NFATC1: variants seen among roughly 807,000 people sequenced by gnomAD.
NFATC1 encodes nuclear factor of activated T cells 1.
In NFATC1, 22 loss-of-function variants were observed where a neutral mutation model predicts 76.0. That is an observed-to-expected ratio of 0.29 (90% CI 0.21 to 0.41). The LOEUF (loss-of-function observed/expected upper bound fraction) is 0.41. NFATC1 is among the 10% of genes least tolerant of loss of function. The pLI, the probability that NFATC1 is intolerant of heterozygous loss-of-function variation, is 1.00. For missense variants in NFATC1, 1,357 were observed against 1,337.7 expected, an observed-to-expected ratio of 1.01 and a Z score of -0.23; for synonymous variants, 704 against 613.1, an observed-to-expected ratio of 1.15 and a Z score of -2.19.
chr18:79,402,486 G>A, intron 1 of NFATC1: 2 of 765,518 alleles, frequency 2.6e-6, no homozygotes, highest in Non-Finnish European at 3.2e-6. Flanking sequence ...GGCACCCTGG[G>A]CCCTCCGGAG....
chr18:79,452,370 C>G (rs1485891737), intron 6 of NFATC1, among the ~76,000 whole-genome samples: 1 of 152,176 alleles, frequency 6.6e-6, no homozygotes, highest in Middle Eastern at 3.2e-3. Context: ...CCAGGTGTTG[C>G]GCTGGCCCAG....
intron 8 of NFATC1, among the ~76,000 whole-genome samples, chr18:79,478,913 G>A (rs1280907595): frequency 6.6e-5 from 10 of 152,180 alleles, no homozygotes; most frequent in Admixed American, 5.9e-4. Flanking sequence ...CTGGGTCTGC[G>A]GGGACGGTTT....
At chr18:79,496,252 C>T (rs1227969838) in intron 9 of NFATC1, 1 of 152,630 alleles carries the variant, frequency 6.6e-6, no homozygotes, top group African/African-American at 2.4e-5. Context: ...CAAAGAGCTT[C>T]CTTATTTGAG....
chr18:79,443,134 A>G (rs183015195), intron 3 of NFATC1, among the ~76,000 whole-genome samples: 8 of 152,358 alleles, frequency 5.3e-5, no homozygotes, highest in African/African-American at 1.7e-4. Flanking sequence ...TTTGCTTTAC[A>G]GCCACAAATT....
At chr18:79,416,030 C>T (rs1056684849) in intron 2 of NFATC1, among the ~76,000 whole-genome samples, 5 of 152,206 alleles carry the variant, frequency 3.3e-5, no homozygotes, top group African/African-American at 1.2e-4. Context: ...CCACTGCACT[C>T]CAGCCTGGGC....
intron 2 of NFATC1, among the ~76,000 whole-genome samples, chr18:79,417,401 G>A (rs1265242356): frequency 3.6e-5 from 1 of 28,112 alleles, no homozygotes; most frequent in Non-Finnish European, 7.7e-5. Flanking sequence ...GAGATGGGCT[G>A]TGGTGGGAGA....
At chr18:79,526,933 G>A (rs2090782185) in intron 9 of NFATC1, among the ~76,000 whole-genome samples, 1 of 152,228 alleles carries the variant, frequency 6.6e-6, no homozygotes, top group Non-Finnish European at 1.5e-5. Flanking sequence ...CGACAGTGCT[G>A]GTGGCACATC....
intron 2 of NFATC1, among the ~76,000 whole-genome samples, chr18:79,425,420 T>C (rs146954806): frequency 8.1e-4 from 123 of 152,374 alleles, no homozygotes; most frequent in African/African-American, 2.8e-3. Flanking sequence ...AAGCTGCTCC[T>C]GTGGAGTCCT....
chr18:79,405,608 A>G (rs2085408478), intron 1 of NFATC1, among the ~76,000 whole-genome samples: 1 of 152,180 alleles, frequency 6.6e-6, no homozygotes, highest in Admixed American at 6.5e-5. Context: ...TTGACCCCAC[A>G]CCTTGCCCTT....
intron 9 of NFATC1, chr18:79,496,968 G>A (rs1458022627): frequency 1.3e-5 from 2 of 152,264 alleles, no homozygotes; most frequent in South Asian, 2.1e-4. Context: ...CCAGCGCCAA[G>A]GCCCGCATGC....
At position 79,408,548 on chromosome 18, in the gene NFATC1, C is replaced by T. The variant is rs946481298; in HGVS notation, c.128-1855C>T. Among the ~76,000 whole-genome samples the T allele has an allele frequency of 5.9e-5, 9 of 152,198 alleles. No homozygotes were observed. The South Asian group carries it at 8.3e-4, about 14-fold the overall frequency. On this transcript the variant is annotated intron_variant, in intron 1 of 9. Coordinates refer to ENST00000427363, the MANE Select transcript of NFATC1 (RefSeq NM_001278669.2). ...TCTGTTTTGTTCTAAAAGATGGATT[C>T]GTAGGATATGAGCCAGTATCAGAAT... is the stretch of plus-strand genomic sequence containing the variant.
intron 2 of NFATC1, among the ~76,000 whole-genome samples, chr18:79,414,850 A>G (rs943715318): frequency 6.6e-6 from 1 of 152,192 alleles, no homozygotes; most frequent in African/African-American, 2.4e-5. Context: ...TGAGGGTGCA[A>G]CAGGAGGCGT....
At chr18:79,453,494 G>A (rs2087561256) in intron 6 of NFATC1, among the ~76,000 whole-genome samples, 1 of 152,250 alleles carries the variant, frequency 6.6e-6, no homozygotes, top group Non-Finnish European at 1.5e-5. Context: ...CCTACAGGCA[G>A]CCCCTCCTGC....
intron 8 of NFATC1, among the ~76,000 whole-genome samples, chr18:79,477,469 C>T (rs2089119959): frequency 6.6e-6 from 1 of 152,226 alleles, no homozygotes; most frequent in African/African-American, 2.4e-5. Context: ...CCCAATGCCA[C>T]CTGGGGACCA....
chr18:79,450,845 G>C, intron 4 of NFATC1, 109 bp from the exon 5 acceptor site: 1 of 1,398,418 alleles, frequency 7.2e-7, no homozygotes, highest in Non-Finnish European at 9.7e-7. Flanking sequence ...CCAGCTGCCT[G>C]GCACGAGCTC....
At chr18:79,484,116 G>GC (rs1487576477) in intron 8 of NFATC1, among the ~76,000 whole-genome samples, 1 of 151,948 alleles carries the variant, frequency 6.6e-6, no homozygotes, top group Non-Finnish European at 1.5e-5. Flanking sequence ...GGTGGCTGAC[G>GC]AGGCGGGGGG....
At chr18:79,525,984 C>T (rs2090751113) in intron 9 of NFATC1, among the ~76,000 whole-genome samples, 1 of 152,276 alleles carries the variant, frequency 6.6e-6, no homozygotes. Flanking sequence ...CTGGGGGCCG[C>T]TGCACTCAGC....
At chr18:79,455,267 C>T (rs763773831) in intron 6 of NFATC1, among the ~76,000 whole-genome samples, 43 of 152,340 alleles carry the variant, frequency 2.8e-4, no homozygotes, top group Non-Finnish European at 4.9e-4. Flanking sequence ...ACTCCCACTC[C>T]GTTTGCCAGC....
chr18:79,432,038 G>A (rs1034442871), intron 2 of NFATC1, among the ~76,000 whole-genome samples: 14 of 152,230 alleles, frequency 9.2e-5, no homozygotes, highest in Non-Finnish European at 1.9e-4. Context: ...TTCACAGTGT[G>A]TCCTGAGGTG....
Sources: gnomAD v4.1 joint callset for allele counts (sites outside exome capture counted in the v4.1 genomes callset) on GRCh38, gnomAD v4.1.1 for gene constraint, MANE v1.5 for transcripts, NCBI Gene and HGNC (gene_info 2026-07-23, HGNC 2026-07-21) for gene names.